Variants in GALNT13 observed in about 807,000 individuals in gnomAD.
GALNT13 encodes UDP-GalNAc:polypeptide N-acetylgalactosaminyltransferase 13.
A neutral mutation model predicts 64.2 loss-of-function variants in GALNT13; 28 were observed. That is an observed-to-expected ratio of 0.44 (90% CI 0.32 to 0.60). GALNT13 has a LOEUF of 0.60. Ranked by LOEUF, GALNT13 falls within the 20% of genes least tolerant of loss-of-function variation. The pLI is 0.05. For synonymous variants in GALNT13, 214 were observed against 224.6 expected (o/e 0.95, Z 0.42); for missense variants, 577 against 669.8 (o/e 0.86, Z 1.53).
chr2:153,233,892 T>A, the GALNT13 span, among the ~76,000 whole-genome samples: 2 of 152,156 alleles, frequency 1.3e-5, no homozygotes, highest in African/African-American at 2.4e-5. Context: ...TGCCACATTA[T>A]ATTAATTTTG....
the GALNT13 span, among the ~76,000 whole-genome samples, chr2:153,661,743 T>C: frequency 1.3e-5 from 2 of 152,352 alleles, no homozygotes; most frequent in South Asian, 4.1e-4. Flanking sequence ...ATATCATCAA[T>C]ATCCTTCCAG....
At chr2:153,666,265 C>A in the GALNT13 span, among the ~76,000 whole-genome samples, 1 of 152,114 alleles carries the variant, frequency 6.6e-6, no homozygotes, top group Non-Finnish European at 1.5e-5. Context: ...ACATGATTGC[C>A]CATTGCCTAC....
At chr2:153,607,960 A>T in the GALNT13 span, among the ~76,000 whole-genome samples, 73,559 of 151,930 alleles carry the variant, frequency 0.48, 19,146 homozygotes, top group African/African-American at 0.68. Context: ...TATATATGTA[A>T]GTATATTTTC....
At chr2:153,690,395 A>G in the GALNT13 span, among the ~76,000 whole-genome samples, 1 of 152,250 alleles carries the variant, frequency 6.6e-6, no homozygotes, top group South Asian at 2.1e-4. Context: ...CTCTGATCCA[A>G]TACAGAATAA....
chr2:153,296,137 A>G, the GALNT13 span, among the ~76,000 whole-genome samples: 2 of 152,268 alleles, frequency 1.3e-5, no homozygotes, highest in East Asian at 1.9e-4. Flanking sequence ...TCTGCTACAC[A>G]AAACTGAACC....
the GALNT13 span, among the ~76,000 whole-genome samples, chr2:153,267,739 C>T: frequency 6.6e-6 from 1 of 152,326 alleles, no homozygotes; most frequent in South Asian, 2.1e-4. Context: ...TGGCTATTAA[C>T]ATTCAACTCC....
chr2:153,814,934 T>C, the GALNT13 span, among the ~76,000 whole-genome samples: 1 of 152,232 alleles, frequency 6.6e-6, no homozygotes, highest in Non-Finnish European at 1.5e-5. Context: ...CTTCATGTCA[T>C]GTTGAGACAT....
At chr2:153,120,436 C>G in the GALNT13 span, among the ~76,000 whole-genome samples, 4 of 152,146 alleles carry the variant, frequency 2.6e-5, no homozygotes, top group Non-Finnish European at 5.9e-5. Flanking sequence ...ACCATAGGAT[C>G]TTGACTGTGA....
the GALNT13 span, among the ~76,000 whole-genome samples, chr2:153,568,319 G>T: frequency 6.6e-6 from 1 of 152,154 alleles, no homozygotes; most frequent in African/African-American, 2.4e-5. Context: ...CTGGACTCAC[G>T]TGATTCTCTC....
At chr2:153,809,446 T>C in the GALNT13 span, among the ~76,000 whole-genome samples, 1 of 152,190 alleles carries the variant, frequency 6.6e-6, no homozygotes, top group Admixed American at 6.5e-5. Context: ...TCCAACATCA[T>C]GTCCTAATAC....
chr2:153,299,428 A>G, the GALNT13 span, among the ~76,000 whole-genome samples: 64 of 152,346 alleles, frequency 4.2e-4, no homozygotes, highest in East Asian at 0.011. Flanking sequence ...ATATTGCAGT[A>G]CTAAAGGGCT....
intron 9 of GALNT13, among the ~76,000 whole-genome samples, chr2:154,362,777 GC>G (rs1296859134): frequency 6.6e-6 from 1 of 152,106 alleles, no homozygotes; most frequent in African/African-American, 2.4e-5. Flanking sequence ...CCTACAAGTG[GC>G]CAAATAGCTA....
chr2:154,304,590 A>G (rs933338095), intron 9 of GALNT13, among the ~76,000 whole-genome samples: 1 of 152,214 alleles, frequency 6.6e-6, no homozygotes, highest in African/African-American at 2.4e-5. Context: ...TTTCCACTGA[A>G]TGAAAAAGGC....
chr2:153,128,364 G>A, the GALNT13 span, among the ~76,000 whole-genome samples: 3 of 151,832 alleles, frequency 2.0e-5, no homozygotes, highest in Non-Finnish European at 4.4e-5. Flanking sequence ...AGCTTGTGCA[G>A]GTAAACTCTG....
the GALNT13 span, among the ~76,000 whole-genome samples, chr2:153,579,883 C>T: frequency 4.0e-5 from 6 of 151,750 alleles, no homozygotes; most frequent in Non-Finnish European, 7.3e-5. Flanking sequence ...AAAACAATCC[C>T]TCACCCCCAC....
At chr2:153,184,633 A>C in the GALNT13 span, among the ~76,000 whole-genome samples, 1 of 152,154 alleles carries the variant, frequency 6.6e-6, no homozygotes, top group African/African-American at 2.4e-5. Flanking sequence ...ATTTTGAGGT[A>C]TATTCCTTCA....
chr2:153,815,546 A>G, the GALNT13 span, among the ~76,000 whole-genome samples: 1 of 152,214 alleles, frequency 6.6e-6, no homozygotes, highest in Admixed American at 6.5e-5. Context: ...TTCCTTCAGT[A>G]TCCTTACTCT....
chr2:153,961,858 T>C lies in GALNT13; in HGVS notation c.142+17219T>C, dbSNP rs1201053104. Among the ~76,000 whole-genome samples, 6 of 152,182 alleles carry C rather than the reference T, an allele frequency of 3.9e-5. No homozygotes were observed. The East Asian group carries it at 1.2e-3, about 29-fold the overall frequency. On this transcript the variant is annotated intron_variant, in intron 3 of 12. Transcript: ENST00000392825. ...AATTATTGTAATTAAAGGGCCATGTTGTACAGAGACAACTGGCTATAATAG... is the reference window on the plus strand; with the variant it reads ...AATTATTGTAATTAAAGGGCCATGTCGTACAGAGACAACTGGCTATAATAG...
the GALNT13 span, among the ~76,000 whole-genome samples, chr2:153,843,171 G>A: frequency 1.3e-5 from 2 of 152,176 alleles, no homozygotes; most frequent in African/African-American, 4.8e-5. Context: ...ATAATGAAAA[G>A]AGCTATAATT....
Sources: allele counts gnomAD v4.1 joint callset (sites outside exome capture counted in the v4.1 genomes callset), GRCh38; gene constraint gnomAD v4.1.1; transcripts MANE v1.5; gene names NCBI Gene and HGNC (gene_info 2026-07-23, HGNC 2026-07-21).